PLCE1: variants seen among roughly 807,000 people sequenced by gnomAD.
PLCE1 encodes the protein 1-phosphatidylinositol 4,5-bisphosphate phosphodiesterase epsilon-1.
Under a neutral mutation model 242.8 loss-of-function variants are expected in PLCE1, and 119 were observed. The observed-to-expected ratio is 0.49, with a 90% confidence interval of 0.42 to 0.57. The LOEUF (loss-of-function observed/expected upper bound fraction) is 0.57, where lower values mean the gene tolerates loss of function less well. Ranked by LOEUF, PLCE1 falls within the 20% of genes least tolerant of loss-of-function variation. The pLI, the probability that PLCE1 is intolerant of heterozygous loss-of-function variation, is 0.00. For missense variants in PLCE1, 2,441 were observed against 2,788.8 expected (o/e 0.88, Z 2.81); for synonymous variants, 945 against 1,017.4 (o/e 0.93, Z 1.35).
intron 2 of PLCE1, among the ~76,000 whole-genome samples, chr10:94,041,332 A>C (rs915448453): frequency 6.6e-5 from 10 of 152,152 alleles, no homozygotes; most frequent in Non-Finnish European, 1.3e-4. Flanking sequence ...CCTGACCCTC[A>C]GAGCTTGGAA....
intron 19 of PLCE1, among the ~76,000 whole-genome samples, chr10:94,274,961 C>T (rs1348657056): frequency 6.6e-6 from 1 of 152,134 alleles, no homozygotes; most frequent in African/African-American, 2.4e-5. Context: ...CTTCTAGAGC[C>T]CTGTTCATCT....
chr10:94,254,435 G>C (rs2050993840), intron 10 of PLCE1, 128 bp downstream of exon 10: 2 of 741,702 alleles, frequency 2.7e-6, no homozygotes, highest in South Asian at 3.0e-5. Flanking sequence ...GTCCTAACCA[G>C]ACAATGAAAC....
At chr10:94,155,889 G>C (rs1425744442) in intron 3 of PLCE1, 1 of 152,028 alleles carries the variant, frequency 6.6e-6, no homozygotes, top group African/African-American at 2.4e-5. Flanking sequence ...GGGCTCAGGT[G>C]CCCCTCCCAC....
chr10:94,264,604 C>T (rs1417922815), intron 14 of PLCE1, among the ~76,000 whole-genome samples: 1 of 147,880 alleles, frequency 6.8e-6, no homozygotes, highest in Non-Finnish European at 1.5e-5. Flanking sequence ...TCACTGCAAC[C>T]TCCGCCTCCC....
At chr10:94,141,554 AAGGTG>A (rs1448428947) in intron 3 of PLCE1, among the ~76,000 whole-genome samples, 13 of 142,418 alleles carry the variant, frequency 9.1e-5, no homozygotes, top group Non-Finnish European at 1.8e-4. Flanking sequence ...AGGCTAAGGG[AAGGTG>A]AAGGGAAGGC....
chr10:94,178,665 A>C (rs901077039), intron 4 of PLCE1, among the ~76,000 whole-genome samples: 10 of 150,356 alleles, frequency 6.7e-5, no homozygotes, highest in Non-Finnish European at 1.0e-4. Context: ...TTGAGCTTTC[A>C]GCCAGAATTC....
chr10:94,178,467 G>C (rs2048192940), intron 4 of PLCE1, among the ~76,000 whole-genome samples: 2 of 152,172 alleles, frequency 1.3e-5, no homozygotes, highest in African/African-American at 4.8e-5. Context: ...GCTTCCCTGA[G>C]CCATGCAATC....
At chr10:94,188,902 G>A (rs1057324329) in intron 4 of PLCE1, among the ~76,000 whole-genome samples, 7 of 150,910 alleles carry the variant, frequency 4.6e-5, no homozygotes, top group African/African-American at 1.7e-4. Flanking sequence ...ACCATGCCCA[G>A]CCCTGTATAG....
In PLCE1 at chr10:94,259,105, A is replaced by G; in HGVS notation, c.3769A>G (p.Asn1257Asp). Residue 1257 changes from asparagine to aspartate, a missense_variant, in exon 13 of 33, where the codon AAC (asparagine) becomes GAC (aspartate). Physicochemically the swap from Asn to Asp is conservative, Grantham distance 23. Coordinates refer to ENST00000371380, the MANE Select transcript of PLCE1 (RefSeq NM_016341.4). Reference protein sequence around the residue: ...SGSESAPLYTNLTIDENTSDL... With the variant: ...SGSESAPLYTDLTIDENTSDL... ...CTCCGAGTCAGCCCCACTCTACACC[A>G]ACCTGACAATTGATGAAAACACCAG... 6.2e-7 allele frequency: 1 copy of G among 1,614,062 alleles called. No individual in the cohort carries two copies.
In PLCE1 at chr10:94,306,477, C is replaced by T; in HGVS notation, c.5673C>T (p.Cys1891=). 6.2e-7 allele frequency: 1 copy of T among 1,614,142 alleles called. No homozygotes were observed. The highest frequency in any genetic ancestry group is 8.5e-7 in the Non-Finnish European group (1 of 1,180,014). ...CCAGTAATAGCATGGGAAGCCCGTGCATTGAAGTCGACGTCCTGGGCATGC... is the reference window on the plus strand; with the variant it reads ...CCAGTAATAGCATGGGAAGCCCGTGTATTGAAGTCGACGTCCTGGGCATGC... ...VCPSNSMGSP[C]IEVDVLGMPL... The change falls in exon 26 of 33, where the codon TGC becomes TGT. Residue 1891 remains cysteine, a synonymous_variant. Transcript: ENST00000371380. This position sits in a 1 kb window ranked among gnomAD's most constrained non-coding sequence, Gnocchi z 5.7.
chr10:94,187,229 T>C (rs1356202208), intron 4 of PLCE1, among the ~76,000 whole-genome samples: 4 of 150,714 alleles, frequency 2.7e-5, no homozygotes, highest in South Asian at 2.1e-4. Context: ...ATACTTGTAA[T>C]AGGAAATATC....
intron 1 of PLCE1, among the ~76,000 whole-genome samples, chr10:94,007,157 G>A (rs2061055060): frequency 6.6e-6 from 1 of 152,160 alleles, no homozygotes; most frequent in Non-Finnish European, 1.5e-5. Context: ...AGGCAGAAGA[G>A]CTGGATTAGG....
intron 18 of PLCE1, among the ~76,000 whole-genome samples, chr10:94,272,003 A>C (rs1461032634): frequency 6.6e-6 from 1 of 152,202 alleles, no homozygotes; most frequent in East Asian, 1.9e-4. Context: ...CTTCTGAGGA[A>C]ACAGGACCAG....
intron 2 of PLCE1, among the ~76,000 whole-genome samples, chr10:94,078,193 G>C (rs2044558742): frequency 6.6e-6 from 1 of 152,138 alleles, no homozygotes; most frequent in Admixed American, 6.5e-5. Flanking sequence ...AGCTCTTTCA[G>C]CTTTTTGGCA....
At chr10:94,113,835 G>T (rs1251910202) in intron 2 of PLCE1, among the ~76,000 whole-genome samples, 3 of 152,120 alleles carry the variant, frequency 2.0e-5, no homozygotes, top group Non-Finnish European at 4.4e-5. Context: ...ATGGAGGAGG[G>T]GGTAGAAGGG....
chr10:94,268,816 G>C, intron 16 of PLCE1, 113 bp from the exon 17 acceptor site: 1 of 713,322 alleles, frequency 1.4e-6, no homozygotes, highest in South Asian at 1.5e-5. Flanking sequence ...TTGCCCTTCT[G>C]CTTTAGTCCT....
intron 4 of PLCE1, among the ~76,000 whole-genome samples, chr10:94,211,875 C>T (rs2049342863): frequency 6.6e-6 from 1 of 152,038 alleles, no homozygotes; most frequent in African/African-American, 2.4e-5. Flanking sequence ...GGAGACAAGC[C>T]CCTGCTATGT....
chr10:94,045,464 C>T (rs1000885349), intron 2 of PLCE1, among the ~76,000 whole-genome samples: 9 of 152,146 alleles, frequency 5.9e-5, no homozygotes, highest in Non-Finnish European at 1.2e-4. Context: ...CACGTTCAGT[C>T]CCTTGCTTTA....
At chr10:94,276,393 C>T (rs1392997837) in intron 19 of PLCE1, among the ~76,000 whole-genome samples, 2 of 152,182 alleles carry the variant, frequency 1.3e-5, no homozygotes, top group South Asian at 2.1e-4. Context: ...AAAGGTGATA[C>T]AGAAGTCAGA....
Sources: gnomAD v4.1 joint callset for allele counts (sites outside exome capture counted in the v4.1 genomes callset) on GRCh38, gnomAD v4.1.1 for gene constraint, Gnocchi (gnomAD v3.1) non-coding constraint, MANE v1.5 for transcripts, NCBI Gene and HGNC (gene_info 2026-07-23, HGNC 2026-07-21) for gene names.